DMD: variants seen among roughly 807,000 people sequenced by gnomAD.
DMD encodes the protein mutant dystrophin.
Under a neutral mutation model 330.1 loss-of-function variants are expected in DMD, and 63 were observed. The observed-to-expected ratio is 0.19, with a 90% CI of 0.16 to 0.24. DMD has a LOEUF of 0.24. Among genes scored for constraint, DMD ranks in the 10% least tolerant of loss-of-function variants. DMD has a pLI of 1.00. For synonymous variants in DMD, 1,223 were observed against 959.8 expected (o/e 1.27, Z -5.07); for missense variants, 3,344 against 2,684.1 (o/e 1.25, Z -5.43).
chrX:31,294,222 T>C (rs2053992319), intron 62 of DMD, among the ~76,000 whole-genome samples: 1 of 111,861 alleles, frequency 8.9e-6, no homozygotes, highest in Non-Finnish European at 1.9e-5. Flanking sequence ...TAGCAAATGA[T>C]CTAAGATAGA....
At chrX:32,513,779 T>C (rs1409444579) in intron 18 of DMD, among the ~76,000 whole-genome samples, 2 of 111,291 alleles carry the variant, frequency 1.8e-5, no homozygotes, top group Non-Finnish European at 3.8e-5. Flanking sequence ...CATTTGAAAA[T>C]AGACACTATT....
At chrX:32,101,102 T>C (rs1440297426) in intron 44 of DMD, among the ~76,000 whole-genome samples, 6 of 112,060 alleles carry the variant, frequency 5.4e-5, no homozygotes, top group Non-Finnish European at 1.1e-4. Flanking sequence ...ATCAGAGTCT[T>C]TTCATAGTAA....
chrX:31,395,951 A>ATAG (rs2060902715), intron 60 of DMD, among the ~76,000 whole-genome samples: 1 of 112,084 alleles, frequency 8.9e-6, no homozygotes, highest in African/African-American at 3.2e-5. Flanking sequence ...AACAGAAGAT[A>ATAG]TAGCCAGATG....
chrX:31,910,787 C>T (rs747367089), intron 47 of DMD, among the ~76,000 whole-genome samples: 14 of 111,281 alleles, frequency 1.3e-4, no homozygotes, highest in African/African-American at 4.6e-4. Context: ...GAATCAGAGG[C>T]GAGGAAGAAA....
chrX:31,244,867 A>G (rs1423183858), intron 63 of DMD, among the ~76,000 whole-genome samples: 1 of 112,107 alleles, frequency 8.9e-6, no homozygotes, highest in Non-Finnish European at 1.9e-5. Flanking sequence ...GTTCAATAAA[A>G]GTAAGATCAT....
chrX:32,374,854 G>T (rs1265920700), intron 34 of DMD, among the ~76,000 whole-genome samples: 1 of 111,807 alleles, frequency 8.9e-6, no homozygotes, highest in African/African-American at 3.2e-5. Context: ...ACTTGCACAT[G>T]TAACCCCTGA....
At position 31,223,053 on chromosome X, in the gene DMD, G is replaced by A; in HGVS notation, c.9355C>T (p.Leu3119Phe). ...AATACTGGCCAATACTTACAGCAAAGGGCCTTCTGCAGTCTTCGGAGTTTC... is the reference window on the plus strand; with the variant it reads ...AATACTGGCCAATACTTACAGCAAAAGGCCTTCTGCAGTCTTCGGAGTTTC... ...AMKLRRLQKA[L>F]CLDLLSLSAA... The change falls in exon 64 of 79, where the codon CTT (leucine) becomes TTT (phenylalanine). Residue 3119 changes from leucine (L) to phenylalanine (F), a missense_variant. Physicochemically the swap from Leu to Phe is conservative, Grantham distance 22 (BLOSUM62 0). Transcript: ENST00000357033. The A allele has an allele frequency of 8.3e-7, 1 of 1,207,651 alleles. No homozygotes were observed. Among genetic ancestry groups the A allele is most frequent in the Non-Finnish European group, 1.1e-6 (1 of 891,732 alleles).
chrX:31,449,021 C>T (rs758855375), intron 59 of DMD, among the ~76,000 whole-genome samples: 2 of 112,291 alleles, frequency 1.8e-5, no homozygotes, highest in South Asian at 7.4e-4. Flanking sequence ...TGTCTATTAA[C>T]AAGGGAATCT....
rs1454763821 is a variant in DMD, at chrX:33,269,186, C to T, written c.7+70073G>A. Among the ~76,000 whole-genome samples, 4 of 111,312 alleles carry T rather than the reference C, an allele frequency of 3.6e-5. No homozygotes were observed. In the Admixed American group the frequency reaches 3.8e-4, roughly 11 times the overall value. On this transcript the variant is annotated intron_variant, in intron 1 of 17. Coordinates refer to the DMD transcript ENST00000288447. ...ACAATAGCAAAAATATCGAATCAAC[C>T]TAAAAGCTCATCAATGGTTGACTGG...
chrX:31,992,101 A>G (rs2095555078), intron 44 of DMD, among the ~76,000 whole-genome samples: 1 of 111,774 alleles, frequency 8.9e-6, no homozygotes, highest in South Asian at 3.7e-4. Context: ...CTGTAATGGG[A>G]GCTAATAGAC....
chrX:33,150,541 G>T (rs1226987785), intron 1 of DMD, among the ~76,000 whole-genome samples: 1 of 109,584 alleles, frequency 9.1e-6, no homozygotes, highest in Non-Finnish European at 1.9e-5. Context: ...TGATCCGCCC[G>T]CCTCGGCCTC....
At chrX:32,839,605 T>C (rs990223717) in intron 4 of DMD, among the ~76,000 whole-genome samples, 3 of 112,396 alleles carry the variant, frequency 2.7e-5, no homozygotes, top group Admixed American at 1.9e-4. Context: ...AGCTCAACTT[T>C]AGAAAAAAAA....
At chrX:32,875,849 C>T (rs762085243) in intron 2 of DMD, among the ~76,000 whole-genome samples, 2 of 111,903 alleles carry the variant, frequency 1.8e-5, no homozygotes, top group African/African-American at 3.2e-5. Flanking sequence ...TATATCTGCA[C>T]GTATTTAAAT....
chrX:32,851,176 C>A (rs759137452), intron 2 of DMD, among the ~76,000 whole-genome samples: 1 of 111,005 alleles, frequency 9.0e-6, no homozygotes, highest in South Asian at 3.8e-4. Flanking sequence ...CCTTAAACTT[C>A]CACGATTAAA....
intron 49 of DMD, among the ~76,000 whole-genome samples, chrX:31,830,633 T>C (rs1455477479): frequency 9.0e-6 from 1 of 111,671 alleles, no homozygotes; most frequent in Non-Finnish European, 1.9e-5. Context: ...CTAAGAAAAA[T>C]GAAAAAAACA....
intron 29 of DMD, among the ~76,000 whole-genome samples, chrX:32,415,961 G>A (rs983852603): frequency 3.6e-5 from 4 of 111,847 alleles, no homozygotes; most frequent in Non-Finnish European, 5.6e-5. Context: ...TGCTGGCAAT[G>A]TAAAGTCATC....
intron 63 of DMD, among the ~76,000 whole-genome samples, chrX:31,257,190 G>C (rs1463737441): frequency 1.8e-5 from 2 of 108,428 alleles, no homozygotes; most frequent in African/African-American, 3.4e-5. Context: ...AATCTCCTTA[G>C]AAGTGGGCGT....
intron 62 of DMD, among the ~76,000 whole-genome samples, chrX:31,308,964 GGT>G (rs930200159): frequency 4.5e-5 from 5 of 110,993 alleles, no homozygotes; most frequent in African/African-American, 1.6e-4. Flanking sequence ...CCTGACCTCA[GGT>G]GATTTGCCCA....
At chrX:31,429,970 A>AAAG (rs1443234941) in intron 60 of DMD, among the ~76,000 whole-genome samples, 2 of 111,102 alleles carry the variant, frequency 1.8e-5, no homozygotes, top group Non-Finnish European at 3.8e-5. Flanking sequence ...CAGGTAGAAT[A>AAAG]AAGAACTACG....
Sources: allele counts gnomAD v4.1 joint callset (sites outside exome capture counted in the v4.1 genomes callset), GRCh38; gene constraint gnomAD v4.1.1; transcripts MANE v1.5; gene names NCBI Gene and HGNC (gene_info 2026-07-23, HGNC 2026-07-21).